The following PHLPP2 variants were observed in gnomAD, a reference collection of about 807,000 sequenced individuals.
PHLPP2 encodes the protein PH domain leucine-rich repeat-containing protein phosphatase 2.
A neutral mutation model predicts 124.9 loss-of-function variants in PHLPP2; 66 were observed. The ratio of observed to expected loss-of-function variants is 0.53; its 90% CI spans 0.43 to 0.65. PHLPP2 has a LOEUF of 0.65. Ranked by LOEUF, PHLPP2 falls within the 30% of genes least tolerant of loss-of-function variation. The probability of loss-of-function intolerance (pLI) is 0.00; values close to 1 mark genes in which losing one functional copy is unlikely to be tolerated. For synonymous variants in PHLPP2, 681 were observed against 624.7 expected, an observed-to-expected ratio of 1.09 and a Z score of -1.34; for missense variants, 1,685 against 1,600.4, an observed-to-expected ratio of 1.05 and a Z score of -0.90.
chr16:71,722,443 GA>G (rs1567633131), intron 1 of PHLPP2, among the ~76,000 whole-genome samples: 1 of 151,430 alleles, frequency 6.6e-6, no homozygotes, highest in African/African-American at 2.4e-5. Context: ...TAAATAAAAA[GA>G]AAAAAAACTG....
At position 71,656,779 on chromosome 16, in the gene PHLPP2, TC is replaced by T. The variant is rs996580378; in HGVS notation, c.2280-99del. 2.1e-5 allele frequency: 14 copies of T among 681,446 alleles called. No homozygotes were observed. The African/African-American group carries it at 2.6e-4, about 12-fold the overall frequency. 42.2% of individuals were successfully genotyped at this position (681,446 alleles called of 1,614,324 possible). A position where few individuals can be genotyped will look rare whatever the true frequency, so the allele number is the denominator to read the frequency against. ...CTTTTTTTTTTTTTGAGATGGAGTCTCCCTCTTGTCACCCAGGCTGGAGTGC... is the reference window on the plus strand; with the variant it reads ...CTTTTTTTTTTTTTGAGATGGAGTCTCCTCTTGTCACCCAGGCTGGAGTGC... On this transcript the variant is annotated intron_variant, in intron 15 of 18. Transcript: ENST00000568954.
chr16:71,701,233 C>T (rs1165248216), intron 3 of PHLPP2, among the ~76,000 whole-genome samples: 2 of 152,124 alleles, frequency 1.3e-5, no homozygotes, highest in Admixed American at 6.6e-5. Context: ...ACTTTTGAGG[C>T]AATTTGTTAC....
rs2044816027 is a variant in PHLPP2, at chr16:71,663,964, C to A, written c.1920G>T (p.Leu640=). 6.2e-7 allele frequency: 1 copy of A among 1,614,068 alleles called. No individual in the cohort carries two copies. Among genetic ancestry groups the A allele is most frequent in the South Asian group, 1.1e-5 (1 of 91,090 alleles). The change falls in exon 13 of 19, where the codon CTG becomes CTT. Residue 640 remains leucine, a synonymous_variant. Transcript: ENST00000568954. The stretch of plus-strand genomic sequence containing the variant: ...AGATTCGCAGGTGCAGGTGCCCTAC[C>A]AGGACAGGTATGCACTGATCCGTCA... ...NLLTDQCIPV[L]VGHLHLRILH...
chr16:71,653,103 T>TC (rs2044709907), intron 17 of PHLPP2, 82 bp from the exon 18 acceptor site: 3 of 405,128 alleles, frequency 7.4e-6, no homozygotes, highest in Non-Finnish European at 1.2e-5. Flanking sequence ...TCCCTTCTTT[T>TC]TTTTTTTTTT....
chr16:71,649,828 T>G lies in PHLPP2; in HGVS notation c.3034A>C (p.Lys1012Gln). The G allele has an allele frequency of 6.2e-7, 1 of 1,613,948 alleles. No homozygotes were observed. Among genetic ancestry groups the G allele is most frequent in the Non-Finnish European group, 8.5e-7 (1 of 1,179,778 alleles). ...HVQDPLAAAK[K>Q]LCTLAQSYGC... ...TAGCTCTGCGCTAATGTGCACAGCT[T>G]CTTAGCAGCTGCTAATGGGTCTTGT... Residue 1012 changes from lysine to glutamine, a missense_variant, in exon 19 of 19, where the codon AAG (lysine) becomes CAG (glutamine). Coordinates refer to ENST00000568954, the MANE Select transcript of PHLPP2 (RefSeq NM_015020.3).
rs942408333 is a variant in PHLPP2, at chr16:71,676,561, C to A, written c.1357G>T (p.Asp453Tyr). The change falls in exon 9 of 19, where the codon GAC becomes TAC. Residue 453 changes from aspartate to tyrosine, a missense_variant. By Grantham distance (160) the Asp-to-Tyr change is radical. Coordinates refer to ENST00000568954, the MANE Select transcript of PHLPP2 (RefSeq NM_015020.3). ...CTGCATAAGGAGCTAAGATCCAAGT[C>A]AGTCAGTCGGTTGTCCCGCAGATCC... ...HVDLRDNRLTDLDLSSLCSLE... is the reference protein window; with the variant it reads ...HVDLRDNRLTYLDLSSLCSLE... 1 of 1,613,972 alleles carries A rather than the reference C, an allele frequency of 6.2e-7. No homozygotes were observed. Among genetic ancestry groups the A allele is most frequent in the Admixed American group, 1.7e-5 (1 of 60,030 alleles).
chr16:71,695,290 G>C (rs1210134744), intron 3 of PHLPP2, among the ~76,000 whole-genome samples: 2 of 152,182 alleles, frequency 1.3e-5, no homozygotes, highest in Non-Finnish European at 2.9e-5. Flanking sequence ...TGCATAAAGA[G>C]ATAATTTTAC....
Position 71,676,447 on chromosome 16 carries a change from T to A in PHLPP2, c.1471A>T (p.Arg491Trp). Residue 491 changes from arginine to tryptophan, a missense_variant and splice_region_variant, in exon 9 of 19, where the codon AGG becomes TGG. Arg to Trp is a moderately radical substitution (Grantham distance 101). Transcript: ENST00000568954. ...SLRTLYASSN[R>W]LTAVNVYPVP... ...ACAAAAGGCTGCAGAGAAAACTCAC[T>A]GTTGGAACTGGCATAGAGGGTCCGA... is the stretch of plus-strand genomic sequence containing the variant. 6.2e-7 allele frequency: 1 copy of A among 1,612,880 alleles called. No individual in the cohort carries two copies. The highest frequency in any genetic ancestry group is 8.5e-7 in the Non-Finnish European group (1 of 1,178,876).
chr16:71,717,113 AG>A (rs1384660279), intron 1 of PHLPP2, among the ~76,000 whole-genome samples: 1 of 152,262 alleles, frequency 6.6e-6, no homozygotes, highest in Non-Finnish European at 1.5e-5. Context: ...ATTTCTATGG[AG>A]AACCCTACAT....
chr16:71,711,995 T>C (rs535571826), intron 2 of PHLPP2, among the ~76,000 whole-genome samples: 14 of 152,370 alleles, frequency 9.2e-5, no homozygotes, highest in African/African-American at 2.6e-4. Flanking sequence ...CCTTGAATGA[T>C]TCAGGCATTC....
chr16:71,718,027 G>C (rs948860428), intron 1 of PHLPP2, among the ~76,000 whole-genome samples: 1 of 152,146 alleles, frequency 6.6e-6, no homozygotes, highest in African/African-American at 2.4e-5. Context: ...GAGTAGCTGG[G>C]ACTACATGCA....
chr16:71,683,779 GTTTCT>G (rs2045025891), intron 5 of PHLPP2, among the ~76,000 whole-genome samples: 1 of 152,042 alleles, frequency 6.6e-6, no homozygotes, highest in Admixed American at 6.6e-5. Context: ...AATAAGTTCA[GTTTCT>G]TTTCTTGTCT....
Position 71,658,730 on chromosome 16 carries a change from TAC to T in PHLPP2, c.2069_2070del (p.Cys690Ter), listed in dbSNP as rs1333435369. The T allele has an allele frequency of 3.1e-6, 5 of 1,614,222 alleles. No individual in the cohort carries two copies. Among genetic ancestry groups the T allele is most frequent in the East Asian group, 4.5e-5 (2 of 44,880 alleles). On this transcript the variant is annotated frameshift_variant, in exon 14 of 19. Transcript: ENST00000568954. LOFTEE classifies it high-confidence loss of function. ...TGTGCAACAAGGGTGTGCAGCCTTT[TAC>T]AGTTTGCTATGGTTGTGGGAATGGT... ...LKTIPTTIAN[C>X]KRLHTLVAHS...
At chr16:71,723,610 G>A (rs2045412281) in intron 1 of PHLPP2, 1 of 310,728 alleles carries the variant, frequency 3.2e-6, no homozygotes, top group Non-Finnish European at 5.6e-6. Context: ...CCAGCCGGGT[G>A]TGGGGCGGCC....
At chr16:71,714,844 G>T in intron 1 of PHLPP2, 43 bp from the exon 2 acceptor site, 1 of 1,571,180 alleles carries the variant, frequency 6.4e-7, no homozygotes, top group South Asian at 1.2e-5. Flanking sequence ...TAGAACATCT[G>T]ACTGAATTAG....
intron 4 of PHLPP2, among the ~76,000 whole-genome samples, chr16:71,687,627 A>G (rs1295232648): frequency 6.6e-6 from 1 of 152,102 alleles, no homozygotes; most frequent in African/African-American, 2.4e-5. Context: ...AGTCTTCTAT[A>G]TTCTCTTTTC....
intron 3 of PHLPP2, chr16:71,698,749 CAACTT>C (rs1473857203): frequency 2.2e-5 from 6 of 268,414 alleles, no homozygotes; most frequent in Non-Finnish European, 4.4e-5. Context: ...GCTACCTACT[CAACTT>C]GACTTTAGTG....
intron 13 of PHLPP2, among the ~76,000 whole-genome samples, chr16:71,660,761 A>C (rs900814814): frequency 5.9e-5 from 9 of 152,106 alleles, no homozygotes; most frequent in Non-Finnish European, 1.0e-4. Context: ...TCCCATGTCC[A>C]AATCTCGTGC....
chr16:71,655,538 T>A (rs2044735112), intron 16 of PHLPP2, 104 bp from the exon 17 acceptor site: 1 of 787,532 alleles, frequency 1.3e-6, no homozygotes, highest in African/African-American at 1.8e-5. Context: ...AGTCTTGCAC[T>A]GTCACCCAGG....
Sources: allele counts gnomAD v4.1 joint callset (sites outside exome capture counted in the v4.1 genomes callset), GRCh38; gene constraint gnomAD v4.1.1; transcripts MANE v1.5; gene names NCBI Gene and HGNC (gene_info 2026-07-23, HGNC 2026-07-21).